Variants in TMEFF2 observed in about 807,000 individuals in gnomAD.
TMEFF2 encodes the protein tomoregulin-2.
A neutral mutation model predicts 53.8 loss-of-function variants in TMEFF2; 28 were observed. The ratio of observed to expected loss-of-function variants is 0.52; its 90% confidence interval spans 0.39 to 0.71. The LOEUF (loss-of-function observed/expected upper bound fraction) is 0.71. Ranked by LOEUF, TMEFF2 falls within the 30% of genes least tolerant of loss-of-function variation. TMEFF2 has a pLI of 0.00. For synonymous variants in TMEFF2, 162 were observed against 166.3 expected, an observed-to-expected ratio of 0.97 and a Z score of 0.20; for missense variants, 353 against 455.2, an observed-to-expected ratio of 0.78 and a Z score of 2.04.
intron 4 of TMEFF2, among the ~76,000 whole-genome samples, chr2:192,092,236 T>C (rs936795524): frequency 4.6e-5 from 7 of 152,210 alleles, no homozygotes; most frequent in Admixed American, 1.3e-4. Flanking sequence ...TAAAGTTTTA[T>C]ATTGCTACTC....
At chr2:191,955,674 T>C (rs1692061113) in intron 8 of TMEFF2, among the ~76,000 whole-genome samples, 1 of 151,736 alleles carries the variant, frequency 6.6e-6, no homozygotes, top group Non-Finnish European at 1.5e-5. Flanking sequence ...ATAAACTAAA[T>C]CCAGATAAAC....
At chr2:192,072,693 C>G (rs1436740776) in intron 4 of TMEFF2, among the ~76,000 whole-genome samples, 1 of 151,922 alleles carries the variant, frequency 6.6e-6, no homozygotes, top group African/African-American at 2.4e-5. Context: ...GATTTTGTCT[C>G]TATACTCAAA....
chr2:192,050,475 A>G (rs1173537038), intron 5 of TMEFF2, among the ~76,000 whole-genome samples: 3 of 152,088 alleles, frequency 2.0e-5, no homozygotes, highest in Admixed American at 2.0e-4. Flanking sequence ...TTTTACTTTC[A>G]TAACCCTCCT....
chr2:191,964,193 CCTTTCTCTTT>C (rs1040183325), intron 7 of TMEFF2, among the ~76,000 whole-genome samples: 8 of 151,892 alleles, frequency 5.3e-5, no homozygotes, highest in African/African-American at 1.9e-4. Flanking sequence ...CAATTTCCTT[CCTTTCTCTTT>C]CTTTCTCTCT....
At chr2:192,102,017 C>G (rs1689041802) in intron 4 of TMEFF2, among the ~76,000 whole-genome samples, 4 of 152,126 alleles carry the variant, frequency 2.6e-5, no homozygotes, top group Admixed American at 2.6e-4. Context: ...AGCACAATGT[C>G]TGGCACATAC....
intron 7 of TMEFF2, among the ~76,000 whole-genome samples, chr2:191,996,845 G>A (rs946973831): frequency 4.6e-5 from 7 of 151,854 alleles, no homozygotes; most frequent in African/African-American, 1.7e-4. Context: ...AAAAGGATAG[G>A]GGTGAGGACA....
chr2:192,057,792 C>T lies in TMEFF2; in HGVS notation c.440-17G>A. On this transcript the variant is annotated splice_polypyrimidine_tract_variant and intron_variant, in intron 4 of 9. Coordinates refer to ENST00000272771, the MANE Select transcript of TMEFF2 (RefSeq NM_016192.4). The stretch of plus-strand genomic sequence containing the variant: ...CTTCATGGACTGTAGGACAGAAAAA[C>T]AGTAAAAGGAATTCAGGTAATTGTG... 2 of 1,590,974 alleles carry T rather than the reference C, an allele frequency of 1.3e-6. No individual in the cohort carries two copies. Among genetic ancestry groups the T allele is most frequent in the Non-Finnish European group, 1.7e-6 (2 of 1,159,196 alleles).
chr2:191,950,186 A>G lies in TMEFF2; in HGVS notation c.*125T>C. ...AAATATAGCTGTAGTACATGTTTTC[A>G]TTGGTGTAGATTACCACAAATGCAA... On this transcript the variant is annotated 3_prime_UTR_variant, in exon 10 of 10. Coordinates refer to ENST00000272771, the MANE Select transcript of TMEFF2 (RefSeq NM_016192.4). The G allele has an allele frequency of 6.7e-7, 1 of 1,498,436 alleles. No individual in the cohort carries two copies. The highest frequency in any genetic ancestry group is 8.9e-7 in the Non-Finnish European group (1 of 1,128,124). 92.8% of individuals were successfully genotyped at this position (1,498,436 alleles called of 1,614,324 possible).
In TMEFF2 at chr2:192,114,336, GAATA is replaced by G. The variant is rs529137782; in HGVS notation, c.440-56565_440-56562del. On this transcript the variant is annotated intron_variant, in intron 4 of 9. Coordinates refer to ENST00000272771, the MANE Select transcript of TMEFF2 (RefSeq NM_016192.4). ...ACATTAAATTCTGACAATATATTTG[GAATA>G]AATAAAATATAAATTAAAAATATAA... Among the ~76,000 whole-genome samples, 917 of 151,396 alleles carry G rather than the reference GAATA, an allele frequency of 6.1e-3. 7 individuals are homozygous for G. The highest frequency in any genetic ancestry group is 0.021 in the African/African-American group (863 of 41,338).
At chr2:191,956,414 ATACT>A (rs776943415) in intron 7 of TMEFF2, 36 bp from the exon 8 acceptor site, 25 of 1,599,672 alleles carry the variant, frequency 1.6e-5, no homozygotes, top group Non-Finnish European at 2.1e-5. Context: ...CCCCCTGTAA[ATACT>A]TAGCCTGGTA....
intron 5 of TMEFF2, among the ~76,000 whole-genome samples, chr2:192,018,746 G>A (rs549166955): frequency 4.6e-5 from 7 of 151,952 alleles, no homozygotes; most frequent in African/African-American, 1.5e-4. Flanking sequence ...TTTTAAATTC[G>A]TGAATTTGAG....
intron 7 of TMEFF2, among the ~76,000 whole-genome samples, chr2:191,978,698 G>A (rs2105812361): frequency 6.6e-6 from 1 of 152,250 alleles, no homozygotes; most frequent in Middle Eastern, 3.4e-3. Flanking sequence ...ATGCTTTTTA[G>A]CACCTAAAAT....
At chr2:192,097,719 TTTA>T in intron 4 of TMEFF2, among the ~76,000 whole-genome samples, 1 of 152,062 alleles carries the variant, frequency 6.6e-6, no homozygotes, top group South Asian at 2.1e-4. Context: ...ATTATTAGTA[TTTA>T]TTAAGGTCTT....
intron 5 of TMEFF2, among the ~76,000 whole-genome samples, chr2:192,011,477 T>C (rs1255285826): frequency 1.3e-5 from 2 of 152,228 alleles, no homozygotes; most frequent in African/African-American, 4.8e-5. Flanking sequence ...ACAATTGATA[T>C]TATTCTTAAG....
chr2:191,983,062 A>G (rs566420782), intron 7 of TMEFF2, among the ~76,000 whole-genome samples: 1 of 152,116 alleles, frequency 6.6e-6, no homozygotes, highest in South Asian at 2.1e-4. Context: ...GTAGGATTCT[A>G]CTGTCTCCTA....
chr2:192,086,602 G>A (rs969791415), intron 4 of TMEFF2, among the ~76,000 whole-genome samples: 1 of 151,950 alleles, frequency 6.6e-6, no homozygotes, highest in Non-Finnish European at 1.5e-5. Context: ...CATAAGTTTG[G>A]GTTATAAAAA....
chr2:192,064,675 A>G (rs969064535), intron 4 of TMEFF2, among the ~76,000 whole-genome samples: 18 of 151,832 alleles, frequency 1.2e-4, no homozygotes, highest in Non-Finnish European at 2.9e-5. Context: ...GTTCCCTGAT[A>G]TCATCATTAG....
chr2:192,057,582 T>C, intron 5 of TMEFF2, 97 bp downstream of exon 5: 1 of 1,081,736 alleles, frequency 9.2e-7, no homozygotes, highest in South Asian at 1.3e-5. Flanking sequence ...AAAATAAAAA[T>C]GCAGACAATG....
chr2:191,967,986 G>C (rs1411843773), intron 7 of TMEFF2, among the ~76,000 whole-genome samples: 2 of 152,188 alleles, frequency 1.3e-5, no homozygotes, highest in Non-Finnish European at 2.9e-5. Flanking sequence ...TGTATGGCCT[G>C]TGTGCCTGTA....
Sources: gnomAD v4.1 joint callset for allele counts (sites outside exome capture counted in the v4.1 genomes callset) on GRCh38, gnomAD v4.1.1 for gene constraint, MANE v1.5 for transcripts, NCBI Gene and HGNC (gene_info 2026-07-23, HGNC 2026-07-21) for gene names.